SGSM1: variants seen among roughly 807,000 people sequenced by gnomAD.
SGSM1 encodes RUN and TBC1 domain containing 2.
A neutral mutation model predicts 133.8 loss-of-function variants in SGSM1; 73 were observed. The ratio of observed to expected loss-of-function variants is 0.55; its 90% CI spans 0.45 to 0.66. The LOEUF is 0.66. Among genes scored for constraint, SGSM1 ranks in the 30% least tolerant of loss-of-function variants. The pLI is 0.00. For synonymous variants in SGSM1, 563 were observed against 573.0 expected, an observed-to-expected ratio of 0.98 and a Z score of 0.25; for missense variants, 1,213 against 1,448.1, an observed-to-expected ratio of 0.84 and a Z score of 2.64.
chr22:24,876,862 T>A, intron 13 of SGSM1, 147 bp downstream of exon 13: 2 of 1,080,234 alleles, frequency 1.9e-6, no homozygotes, highest in Non-Finnish European at 2.6e-6. Flanking sequence ...CATGAAATCC[T>A]AGCTGTTAGA....
At chr22:24,897,449 A>T (rs1242647692) in intron 18 of SGSM1, among the ~76,000 whole-genome samples, 1 of 152,172 alleles carries the variant, frequency 6.6e-6, no homozygotes, top group Non-Finnish European at 1.5e-5. Flanking sequence ...TTATGCATAC[A>T]CAAGCACATA....
chr22:24,882,707 C>A (rs1007191791), intron 14 of SGSM1, among the ~76,000 whole-genome samples: 1 of 152,138 alleles, frequency 6.6e-6, no homozygotes, highest in African/African-American at 2.4e-5. Flanking sequence ...GTCCACTCTC[C>A]ACCTCCATGA....
intron 2 of SGSM1, among the ~76,000 whole-genome samples, chr22:24,839,834 T>G (rs1929680284): frequency 6.6e-6 from 1 of 152,170 alleles, no homozygotes; most frequent in Non-Finnish European, 1.5e-5. Context: ...AATGTCCTCA[T>G]TTTCATTTCT....
chr22:24,905,208 C>A, intron 21 of SGSM1, 21 bp downstream of exon 21: 1 of 1,609,730 alleles, frequency 6.2e-7, no homozygotes, highest in Non-Finnish European at 8.5e-7. Flanking sequence ...CTTTACTGCC[C>A]TAGGGCTGAG....
At chr22:24,832,539 C>T (rs1309526301) in intron 2 of SGSM1, among the ~76,000 whole-genome samples, 1 of 152,204 alleles carries the variant, frequency 6.6e-6, no homozygotes, top group African/African-American at 2.4e-5. Flanking sequence ...ACTGTCCTCA[C>T]AGCACTGTGG....
chr22:24,890,178 G>C (rs192907447), intron 16 of SGSM1, among the ~76,000 whole-genome samples: 29 of 151,722 alleles, frequency 1.9e-4, no homozygotes, highest in South Asian at 8.3e-4. Flanking sequence ...GGATGGTCTC[G>C]ATCTCCTGAC....
In SGSM1 at chr22:24,895,294, G is replaced by A. The variant is rs774707830; in HGVS notation, c.2022+3G>A. The A allele has an allele frequency of 2.5e-6, 4 of 1,610,130 alleles. No homozygotes were observed. Among genetic ancestry groups the A allele is most frequent in the Non-Finnish European group, 3.4e-6 (4 of 1,178,410 alleles). On this transcript the variant is annotated splice_donor_region_variant and intron_variant, in intron 18 of 24. Transcript: ENST00000400358. ...GCGACTCCAGCAGCAGCACACAGGT[G>A]ACCTTGTGGAGGCCTCGCCCCCTCC... is the stretch of plus-strand genomic sequence containing the variant.
At chr22:24,896,361 C>A (rs991868794) in intron 18 of SGSM1, among the ~76,000 whole-genome samples, 3 of 151,768 alleles carry the variant, frequency 2.0e-5, no homozygotes, top group African/African-American at 7.3e-5. Flanking sequence ...TTTTTGAAAA[C>A]ACAGAAACAC....
intron 5 of SGSM1, among the ~76,000 whole-genome samples, chr22:24,853,362 G>C (rs897890985): frequency 1.3e-5 from 2 of 152,192 alleles, no homozygotes; most frequent in Non-Finnish European, 2.9e-5. Context: ...GTCAGAACAA[G>C]GTTCTTTTCA....
intron 12 of SGSM1, among the ~76,000 whole-genome samples, chr22:24,875,885 A>G (rs576206876): frequency 2.0e-5 from 3 of 152,336 alleles, no homozygotes; most frequent in Non-Finnish European, 1.5e-5. Context: ...TCCAAAAGTT[A>G]GGAAATCAGA....
At chr22:24,808,252 T>G (rs1385343792) in intron 2 of SGSM1, among the ~76,000 whole-genome samples, 1 of 152,036 alleles carries the variant, frequency 6.6e-6, no homozygotes, top group Non-Finnish European at 1.5e-5. Flanking sequence ...TAGCTGAGAC[T>G]ACAGGAGCCA....
At chr22:24,871,067 T>C (rs1193299685) in intron 12 of SGSM1, among the ~76,000 whole-genome samples, 3 of 152,178 alleles carry the variant, frequency 2.0e-5, no homozygotes, top group African/African-American at 7.2e-5. Flanking sequence ...GTTACTGTCA[T>C]TTGGGATGGA....
chr22:24,810,352 T>C (rs1028702402), intron 2 of SGSM1, among the ~76,000 whole-genome samples: 8 of 151,716 alleles, frequency 5.3e-5, no homozygotes, highest in Non-Finnish European at 7.4e-5. Flanking sequence ...TTTTTTTTTT[T>C]CCCTCTGTCC....
intron 14 of SGSM1, among the ~76,000 whole-genome samples, chr22:24,881,569 A>G (rs1479644226): frequency 7.7e-6 from 1 of 130,586 alleles, no homozygotes; most frequent in East Asian, 2.2e-4. Context: ...CCGTCTCAAA[A>G]ACAAAACAAA....
At chr22:24,833,887 G>T (rs757365715) in intron 2 of SGSM1, among the ~76,000 whole-genome samples, 6 of 152,222 alleles carry the variant, frequency 3.9e-5, no homozygotes, top group African/African-American at 1.4e-4. Context: ...ACTTGAGGGC[G>T]TCTGCTAGTT....
In SGSM1 at chr22:24,925,570, C is replaced by T. The variant is rs1934172346; in HGVS notation, c.*1296C>T. ...AGCTCTTTGGGGTCCTGCTCAGAGT[C>T]CCCCAGGCAGGGCAGAGTCTGTATC... On this transcript the variant is annotated 3_prime_UTR_variant, in exon 25 of 25. Coordinates refer to ENST00000400358, the MANE Select transcript of SGSM1 (RefSeq NM_001098497.3). The T allele has an allele frequency of 6.6e-6, 1 of 152,150 alleles. No homozygotes were observed. Among genetic ancestry groups the T allele is most frequent in the South Asian group, 2.1e-4 (1 of 4,818 alleles). 9.4% of individuals were successfully genotyped at this position (152,150 alleles called of 1,614,324 possible).
rs750930837 is a variant in SGSM1 at position 24,919,890 on chromosome 22, T to C, written c.3090T>C (p.Ser1030=). 4 of 1,614,100 alleles carry C rather than the reference T, an allele frequency of 2.5e-6. No individual in the cohort carries two copies. Among genetic ancestry groups the C allele is most frequent in the East Asian group, 4.5e-5 (2 of 44,886 alleles). Residue 1030 remains serine (S), a synonymous_variant, in exon 24 of 25, where the codon TCT becomes TCC. Transcript: ENST00000400358. ...ETIWAAKHVS[S]AHYVLFIALA... is the part of the protein sequence containing the mutation. ...TCTGGGCAGCCAAACACGTCTCCTC[T>C]GCGCACTACGTCCTGTTCATTGCGC...
At chr22:24,916,401 C>T (rs1255620263) in intron 22 of SGSM1, among the ~76,000 whole-genome samples, 1 of 152,072 alleles carries the variant, frequency 6.6e-6, no homozygotes, top group African/African-American at 2.4e-5. Flanking sequence ...TGTATCAAAA[C>T]TTAGTTCGAG....
At position 24,858,635 on chromosome 22, in the gene SGSM1, C is replaced by CAAAAA. The variant is rs139699; in HGVS notation, c.802-1064_802-1060dup. ...TTGGCAACAGAGCGAGACTCCATCT[C>CAAAAA]AAAAAAAAAAAAAAAAAAAAAGAAG... On this transcript the variant is annotated intron_variant, in intron 8 of 24. Coordinates refer to ENST00000400358, the MANE Select transcript of SGSM1 (RefSeq NM_001098497.3). Among the ~76,000 whole-genome samples, 619 of 82,944 alleles carry CAAAAA rather than the reference C, an allele frequency of 7.5e-3. 10 individuals carry two copies. Among genetic ancestry groups the CAAAAA allele is most frequent in the African/African-American group, 0.021 (577 of 27,878 alleles). The allele number at this position is 82,944 out of a possible 152,430, so 54.4% of individuals were successfully genotyped here.
Sources: gnomAD v4.1 joint callset for allele counts (sites outside exome capture counted in the v4.1 genomes callset) on GRCh38, gnomAD v4.1.1 for gene constraint, MANE v1.5 for transcripts, NCBI Gene and HGNC (gene_info 2026-07-23, HGNC 2026-07-21) for gene names.